Variants in CNTNAP2 observed in about 807,000 individuals in gnomAD.
The protein encoded by CNTNAP2 is contactin associated protein 2, also known as contactin-associated protein-like 2.
In CNTNAP2, 98 loss-of-function variants were observed where a neutral mutation model predicts 155.2. The ratio of observed to expected loss-of-function variants is 0.63; its 90% CI spans 0.54 to 0.75. The LOEUF is 0.75. Ranked by LOEUF, CNTNAP2 falls within the 30% of genes least tolerant of loss-of-function variation. The pLI is 0.00. For synonymous variants in CNTNAP2, 651 were observed against 631.2 expected (o/e 1.03, Z -0.47); for missense variants, 1,727 against 1,688.1 (o/e 1.02, Z -0.40).
At chr7:147,205,431 A>G (rs1354451312) in intron 8 of CNTNAP2, among the ~76,000 whole-genome samples, 1 of 152,086 alleles carries the variant, frequency 6.6e-6, no homozygotes, top group Non-Finnish European at 1.5e-5. Flanking sequence ...ATTGCATTAG[A>G]TCTGTAGATT....
At chr7:146,162,050 A>G (rs1798231954) in intron 1 of CNTNAP2, among the ~76,000 whole-genome samples, 3 of 152,346 alleles carry the variant, frequency 2.0e-5, no homozygotes, top group South Asian at 4.1e-4. Flanking sequence ...ACCTAAAACC[A>G]TAAAAACCCT....
chr7:147,368,022 TCCCC>T (rs1301863237), intron 9 of CNTNAP2, among the ~76,000 whole-genome samples: 2 of 26,844 alleles, frequency 7.5e-5, no homozygotes, highest in South Asian at 1.7e-3. Context: ...CTCCCCCCCC[TCCCC>T]CTCCTCCTCT....
chr7:146,995,494 CTTG>C (rs1451033156), intron 3 of CNTNAP2, among the ~76,000 whole-genome samples: 6 of 152,160 alleles, frequency 3.9e-5, no homozygotes, highest in South Asian at 4.1e-4. Flanking sequence ...CTTGCCAACA[CTTG>C]TTATCTTTTT....
chr7:148,279,948 A>G (rs1184221774), intron 21 of CNTNAP2, among the ~76,000 whole-genome samples: 3 of 152,204 alleles, frequency 2.0e-5, no homozygotes, highest in Non-Finnish European at 4.4e-5. Flanking sequence ...AGGACAGATT[A>G]GTGAGTGCCA....
At chr7:146,296,330 A>G (rs940088152) in intron 1 of CNTNAP2, among the ~76,000 whole-genome samples, 1 of 152,124 alleles carries the variant, frequency 6.6e-6, no homozygotes, top group African/African-American at 2.4e-5. Flanking sequence ...AGAGCCTGTG[A>G]AAACCCTAGT....
At chr7:146,964,066 A>G (rs902794230) in intron 3 of CNTNAP2, among the ~76,000 whole-genome samples, 1 of 152,208 alleles carries the variant, frequency 6.6e-6, no homozygotes, top group African/African-American at 2.4e-5. Flanking sequence ...GCAAAAAATG[A>G]GAAAATCCAT....
chr7:146,338,739 T>A (rs916726035), intron 1 of CNTNAP2, among the ~76,000 whole-genome samples: 6 of 152,206 alleles, frequency 3.9e-5, no homozygotes, highest in Non-Finnish European at 8.8e-5. Flanking sequence ...TCTTTTTTTT[T>A]ATTTTTCTTT....
chr7:146,593,140 T>C (rs1225397152), intron 1 of CNTNAP2, among the ~76,000 whole-genome samples: 2 of 151,448 alleles, frequency 1.3e-5, no homozygotes, highest in Non-Finnish European at 2.9e-5. Context: ...AGTTACCCTG[T>C]TTACTATGTT....
At chr7:147,982,796 T>C (rs1801553452) in intron 15 of CNTNAP2, among the ~76,000 whole-genome samples, 1 of 151,962 alleles carries the variant, frequency 6.6e-6, no homozygotes, top group Non-Finnish European at 1.5e-5. Context: ...GGCAGGCAGA[T>C]CACTTGAGGT....
chr7:147,169,345 T>C (rs1802181280), intron 8 of CNTNAP2, among the ~76,000 whole-genome samples: 1 of 152,202 alleles, frequency 6.6e-6, no homozygotes, highest in South Asian at 2.1e-4. Flanking sequence ...AAATATTGCA[T>C]GATGCTGAGG....
intron 21 of CNTNAP2, among the ~76,000 whole-genome samples, chr7:148,281,824 CACA>C (rs1796977183): frequency 7.0e-6 from 1 of 143,270 alleles, no homozygotes; most frequent in African/African-American, 2.6e-5. Context: ...GCTGGTACTT[CACA>C]ACGTTTCCTT....
At chr7:146,936,794 C>G (rs1796924844) in intron 3 of CNTNAP2, among the ~76,000 whole-genome samples, 1 of 152,236 alleles carries the variant, frequency 6.6e-6, no homozygotes, top group South Asian at 2.1e-4. Context: ...CCAGTTGTTT[C>G]CATACCTCAC....
intron 1 of CNTNAP2, among the ~76,000 whole-genome samples, chr7:146,175,675 GTTA>G (rs761436771): frequency 2.0e-5 from 3 of 152,148 alleles, no homozygotes; most frequent in Non-Finnish European, 4.4e-5. Context: ...CAATGACTAA[GTTA>G]TTATTCGATT....
At chr7:147,786,055 G>C (rs556169072) in intron 13 of CNTNAP2, among the ~76,000 whole-genome samples, 2 of 152,130 alleles carry the variant, frequency 1.3e-5, no homozygotes, top group African/African-American at 4.8e-5. Flanking sequence ...ACTTTGGAAG[G>C]CTGAGGCGGG....
chr7:146,678,928 T>A (rs548931770), intron 1 of CNTNAP2, among the ~76,000 whole-genome samples: 5 of 152,320 alleles, frequency 3.3e-5, no homozygotes, highest in South Asian at 2.1e-4. Flanking sequence ...CTAACACTTA[T>A]AAAATTTATG....
intron 4 of CNTNAP2, among the ~76,000 whole-genome samples, chr7:147,107,206 C>T (rs144036163): frequency 2.1e-3 from 317 of 152,236 alleles, no homozygotes; most frequent in African/African-American, 7.3e-3. Context: ...GGTTACATTG[C>T]ATTTTGAATC....
At chr7:146,402,198 G>T (rs1249347559) in intron 1 of CNTNAP2, among the ~76,000 whole-genome samples, 1 of 152,036 alleles carries the variant, frequency 6.6e-6, no homozygotes, top group East Asian at 1.9e-4. Context: ...GTTAATATCT[G>T]CAATAAACCT....
At chr7:147,957,311 T>G (rs917521188) in intron 14 of CNTNAP2, among the ~76,000 whole-genome samples, 2 of 152,076 alleles carry the variant, frequency 1.3e-5, no homozygotes, top group African/African-American at 4.8e-5. Flanking sequence ...ATAATTACAG[T>G]GAACCTTGGA....
At chr7:146,314,812 G>T (rs879750672) in intron 1 of CNTNAP2, among the ~76,000 whole-genome samples, 15 of 152,090 alleles carry the variant, frequency 9.9e-5, no homozygotes, top group African/African-American at 3.4e-4. Context: ...TTCAGAAGAC[G>T]CCCTCCCTCA....
Sources: allele counts gnomAD v4.1 joint callset (sites outside exome capture counted in the v4.1 genomes callset), GRCh38; gene constraint gnomAD v4.1.1; transcripts MANE v1.5; gene names NCBI Gene and HGNC (gene_info 2026-07-23, HGNC 2026-07-21).